BRWD1: variants seen among roughly 807,000 people sequenced by gnomAD.
BRWD1 encodes bromodomain and WD repeat domain containing 1.
BRWD1 carries 82 observed loss-of-function variants against 251.2 expected under a neutral mutation model. The ratio of observed to expected loss-of-function variants is 0.33; its 90% CI spans 0.27 to 0.39. The LOEUF (loss-of-function observed/expected upper bound fraction) is 0.39. Ranked by LOEUF, BRWD1 falls within the 10% of genes least tolerant of loss-of-function variation. The pLI is 1.00. For synonymous variants in BRWD1, 918 were observed against 902.8 expected (o/e 1.02, Z -0.30); for missense variants, 2,233 against 2,711.6 (o/e 0.82, Z 3.92).
upstream of BRWD1, among the ~76,000 whole-genome samples, chr21:39,317,865 A>C (rs535227209): frequency 6.6e-6 from 1 of 152,198 alleles, no homozygotes; most frequent in Non-Finnish European, 1.5e-5. Flanking sequence ...GGTCTTAAAC[A>C]TAGTGAGACC....
At chr21:39,287,793 T>C (rs1296919565) in intron 8 of BRWD1, among the ~76,000 whole-genome samples, 1 of 152,194 alleles carries the variant, frequency 6.6e-6, no homozygotes, top group African/African-American at 2.4e-5. Flanking sequence ...GTTCTTCTCC[T>C]AACTTCTTGA....
In BRWD1 at chr21:39,250,787, T is replaced by C; in HGVS notation, c.2349+9A>G. On this transcript the variant is annotated intron_variant, in intron 20 of 40. Coordinates refer to ENST00000342449, the MANE Select transcript of BRWD1 (RefSeq NM_033656.4). ...TTCTAATTTGCTAAGAAAACAGAATTTAGGTTACCTTATGTGAGAGCTGAA... is the reference window on the plus strand; with the variant it reads ...TTCTAATTTGCTAAGAAAACAGAATCTAGGTTACCTTATGTGAGAGCTGAA... 4.6e-6 allele frequency: 7 copies of C among 1,516,684 alleles called. No individual in the cohort carries two copies. The highest frequency in any genetic ancestry group is 6.3e-6 in the Non-Finnish European group (7 of 1,118,774). 94.0% of individuals were successfully genotyped at this position (1,516,684 alleles called of 1,614,324 possible).
intron 19 of BRWD1, among the ~76,000 whole-genome samples, chr21:39,255,337 G>A (rs974924432): frequency 3.9e-5 from 6 of 151,938 alleles, no homozygotes; most frequent in Non-Finnish European, 4.4e-5. Context: ...GCTTGATCCC[G>A]GGAGGTGGAG....
chr21:39,312,812 C>T (rs1406801433), intron 4 of BRWD1, 29 bp downstream of exon 4: 1 of 1,582,858 alleles, frequency 6.3e-7, no homozygotes, highest in East Asian at 2.3e-5. Context: ...GCACGGAAAA[C>T]CCGGGGAGCA....
intron 12 of BRWD1, among the ~76,000 whole-genome samples, chr21:39,275,838 G>A (rs2035262997): frequency 6.6e-6 from 1 of 152,038 alleles, no homozygotes; most frequent in Non-Finnish European, 1.5e-5. Context: ...TTCGAGACCA[G>A]ACTGACCAAC....
At position 39,196,681 on chromosome 21, in the gene BRWD1, TCTTC is replaced by T; in HGVS notation, c.6384_6387del (p.Lys2129AspfsTer9). 8 of 1,614,010 alleles carry T rather than the reference TCTTC, an allele frequency of 5.0e-6. No individual in the cohort carries two copies. Among genetic ancestry groups the T allele is most frequent in the Non-Finnish European group, 6.8e-6 (8 of 1,179,902 alleles). On this transcript the variant is annotated frameshift_variant, in exon 41 of 41. Transcript: ENST00000342449. LOFTEE classifies it high-confidence loss of function. Reference sequence around the variant, plus strand: ...ACATTTTCCAATTCAGGATGCGATCTCTTCCTTTTTACTTCCTTCTCTGCTGTTT... The same window carrying T: ...ACATTTTCCAATTCAGGATGCGATCTCTTTTTACTTCCTTCTCTGCTGTTT...
chr21:39,251,470 C>G (rs972083733), intron 19 of BRWD1, among the ~76,000 whole-genome samples: 1 of 152,052 alleles, frequency 6.6e-6, no homozygotes, highest in Non-Finnish European at 1.5e-5. Context: ...ATTAAAAACA[C>G]GTGGCTTTTA....
At chr21:39,313,999 G>A (rs2036628159), upstream of BRWD1, 1 of 444,312 alleles carries the variant, frequency 2.3e-6, no homozygotes, top group South Asian at 1.6e-5. Flanking sequence ...CCCCCCGTGG[G>A]ACCTGGGTCC....
chr21:39,247,868 A>T (rs2034250680), intron 20 of BRWD1, 36 bp from the exon 21 acceptor site: 1 of 1,559,218 alleles, frequency 6.4e-7, no homozygotes, highest in African/African-American at 1.4e-5. Flanking sequence ...GAAAATCAAC[A>T]CCTAAATAAG....
intron 4 of BRWD1, among the ~76,000 whole-genome samples, chr21:39,304,817 A>G (rs1332615240): frequency 6.6e-6 from 1 of 150,870 alleles, no homozygotes; most frequent in Non-Finnish European, 1.5e-5. Flanking sequence ...ATGGGAAGAC[A>G]AGAAGATTAT....
chr21:39,238,632 G>GA (rs1479546307), intron 21 of BRWD1, 59 bp from the exon 22 acceptor site: 11 of 1,144,654 alleles, frequency 9.6e-6, no homozygotes, highest in Admixed American at 9.0e-5. Context: ...CACATGTCCA[G>GA]AAAAAAGCTG....
chr21:39,262,735 T>TA (rs2034795888), intron 17 of BRWD1, among the ~76,000 whole-genome samples: 1 of 151,860 alleles, frequency 6.6e-6, no homozygotes, highest in African/African-American at 2.4e-5. Context: ...ACTTTGTATA[T>TA]AAAACCCTCT....
chr21:39,230,383 C>T (rs139628321), intron 25 of BRWD1, among the ~76,000 whole-genome samples: 1 of 152,300 alleles, frequency 6.6e-6, no homozygotes, highest in East Asian at 1.9e-4. Context: ...AAACAAAGTG[C>T]TAAGCATAGT....
Position 39,214,298 on chromosome 21 carries a change from A to G in BRWD1, c.3786-745T>C, listed in dbSNP as rs1293356175. Reference sequence around the variant, plus strand: ...ATTCTTTGATTCTGAATACTTCTGAATTTAAGAAAATCTACAGAATATTCA... The same window carrying G: ...ATTCTTTGATTCTGAATACTTCTGAGTTTAAGAAAATCTACAGAATATTCA... On this transcript the variant is annotated intron_variant, in intron 32 of 40. Coordinates refer to ENST00000342449, the MANE Select transcript of BRWD1 (RefSeq NM_033656.4). Among the ~76,000 whole-genome samples, 3 of 152,342 alleles carry G rather than the reference A, an allele frequency of 2.0e-5. No individual in the cohort carries two copies. The East Asian group carries it at 5.8e-4, about 29-fold the overall frequency.
chr21:39,228,422 G>A (rs1433391213), intron 27 of BRWD1, 78 bp downstream of exon 27: 11 of 926,444 alleles, frequency 1.2e-5, no homozygotes, highest in Non-Finnish European at 1.9e-5. Context: ...ATAATTAAGA[G>A]TCCCACAGCC....
chr21:39,278,275 G>A (rs1187099618), intron 10 of BRWD1, among the ~76,000 whole-genome samples: 1 of 152,122 alleles, frequency 6.6e-6, no homozygotes. Context: ...GCTTGTTCAA[G>A]TTTTCAGATT....
At chr21:39,211,811 C>T (rs905870904) in intron 34 of BRWD1, among the ~76,000 whole-genome samples, 22 of 152,222 alleles carry the variant, frequency 1.4e-4, no homozygotes, top group African/African-American at 5.1e-4. Context: ...AAGGCAAGCA[C>T]ATGGTATAAA....
rs1601222357 is a variant in BRWD1 at position 39,191,917 on chromosome 21, T to G, written c.*4342A>C. 4.1e-6 allele frequency: 4 copies of G among 983,594 alleles called. No homozygotes were observed. Among genetic ancestry groups the G allele is most frequent in the East Asian group, 1.1e-4 (1 of 8,800 alleles). The allele number at this position is 983,594 out of a possible 1,614,324, so 60.9% of individuals were successfully genotyped here. A position where few individuals can be genotyped will look rare whatever the true frequency, so the allele number is the denominator to read the frequency against. ...GTATACCATAGCATTGATAATTAAA[T>G]TCAAACTATTGGTCTTGCCATACTT... is the stretch of plus-strand genomic sequence containing the variant. On this transcript the variant is annotated 3_prime_UTR_variant, in exon 41 of 41. Transcript: ENST00000342449.
upstream of BRWD1, among the ~76,000 whole-genome samples, chr21:39,315,194 G>C (rs1471580957): frequency 6.6e-6 from 1 of 151,896 alleles, no homozygotes; most frequent in Non-Finnish European, 1.5e-5. Flanking sequence ...TAGTAGGGAC[G>C]GGTTTCACCA....
Sources: allele counts gnomAD v4.1 joint callset (sites outside exome capture counted in the v4.1 genomes callset), GRCh38; gene constraint gnomAD v4.1.1; transcripts MANE v1.5; gene names NCBI Gene and HGNC (gene_info 2026-07-23, HGNC 2026-07-21).